The following CDH12 variants were observed in gnomAD, a reference collection of about 807,000 sequenced individuals.
CDH12 encodes the protein cadherin-12.
CDH12 carries 41 observed loss-of-function variants against 74.1 expected under a neutral mutation model. The observed-to-expected ratio is 0.55, with a 90% CI of 0.43 to 0.72. The LOEUF (loss-of-function observed/expected upper bound fraction) is 0.72. Ranked by LOEUF, CDH12 falls within the 30% of genes least tolerant of loss-of-function variation. CDH12 has a pLI of 0.00. For missense variants in CDH12, 945 were observed against 977.2 expected (o/e 0.97, Z 0.44); for synonymous variants, 399 against 355.0 (o/e 1.12, Z -1.39).
At chr5:22,249,360 G>A (rs1458047650) in intron 3 of CDH12, among the ~76,000 whole-genome samples, 2 of 152,164 alleles carry the variant, frequency 1.3e-5, no homozygotes, top group Admixed American at 1.3e-4. Flanking sequence ...ACTGTTATTG[G>A]AGACAGCTGC....
chr5:22,830,096 T>C (rs776094719), intron 1 of CDH12, among the ~76,000 whole-genome samples: 1 of 152,320 alleles, frequency 6.6e-6, no homozygotes, highest in South Asian at 2.1e-4. Context: ...AAAATGAATG[T>C]CTTCCTCAGG....
intron 6 of CDH12, among the ~76,000 whole-genome samples, chr5:21,961,086 T>C (rs907660521): frequency 1.3e-5 from 2 of 152,074 alleles, no homozygotes; most frequent in Non-Finnish European, 1.5e-5. Context: ...ATCTTCCAAA[T>C]CCTTACTAAT....
intron 3 of CDH12, among the ~76,000 whole-genome samples, chr5:22,276,713 G>A (rs1736650113): frequency 6.6e-6 from 1 of 152,124 alleles, no homozygotes; most frequent in African/African-American, 2.4e-5. Flanking sequence ...TTGAGATGGT[G>A]TCTCATTCTG....
At chr5:22,518,002 TC>T (rs993917948) in intron 1 of CDH12, among the ~76,000 whole-genome samples, 1 of 152,218 alleles carries the variant, frequency 6.6e-6, no homozygotes, top group Non-Finnish European at 1.5e-5. Context: ...TTTTCCTGGT[TC>T]TTCCTTACAG....
At chr5:21,852,501 T>A (rs1214045492) in intron 7 of CDH12, among the ~76,000 whole-genome samples, 1 of 151,430 alleles carries the variant, frequency 6.6e-6, no homozygotes, top group South Asian at 2.1e-4. Context: ...CATAAAGTTG[T>A]TTGGTATTCA....
chr5:22,162,925 C>T (rs1416727470), intron 4 of CDH12, among the ~76,000 whole-genome samples: 1 of 135,950 alleles, frequency 7.4e-6, no homozygotes, highest in Non-Finnish European at 1.5e-5. Flanking sequence ...GAGACAGAGT[C>T]TCGCTCTTTC....
intron 3 of CDH12, among the ~76,000 whole-genome samples, chr5:22,294,082 A>G (rs1014735043): frequency 2.6e-5 from 4 of 152,180 alleles, no homozygotes; most frequent in African/African-American, 9.7e-5. Context: ...ATTGTACATG[A>G]CAAATACATA....
At chr5:22,851,311 C>G (rs1169556231) in intron 1 of CDH12, among the ~76,000 whole-genome samples, 3 of 151,890 alleles carry the variant, frequency 2.0e-5, no homozygotes, top group African/African-American at 7.3e-5. Context: ...AATAAAAAAG[C>G]ATTCGTGGCT....
chr5:22,109,637 G>A (rs979657219), intron 4 of CDH12, among the ~76,000 whole-genome samples: 1 of 152,150 alleles, frequency 6.6e-6, no homozygotes, highest in Admixed American at 6.5e-5. Flanking sequence ...CAGTAATCAA[G>A]AGGAAAACAA....
chr5:22,811,253 G>A (rs1047367478), intron 1 of CDH12, among the ~76,000 whole-genome samples: 2 of 151,960 alleles, frequency 1.3e-5, no homozygotes, highest in Non-Finnish European at 2.9e-5. Flanking sequence ...AGGAAAGCGA[G>A]GGCAATAGTC....
At chr5:21,800,373 C>T (rs1747043622) in intron 10 of CDH12, among the ~76,000 whole-genome samples, 1 of 151,994 alleles carries the variant, frequency 6.6e-6, no homozygotes, top group Admixed American at 6.6e-5. Flanking sequence ...ATATGTATCC[C>T]CCCAAAATTC....
At chr5:22,736,953 G>C (rs1364401278) in intron 1 of CDH12, among the ~76,000 whole-genome samples, 10 of 151,910 alleles carry the variant, frequency 6.6e-5, no homozygotes, top group Non-Finnish European at 1.5e-4. Context: ...TTAATTCAGA[G>C]AGTATAATCA....
At chr5:22,198,269 G>A (rs922307397) in intron 4 of CDH12, among the ~76,000 whole-genome samples, 1 of 151,494 alleles carries the variant, frequency 6.6e-6, no homozygotes, top group Non-Finnish European at 1.5e-5. Flanking sequence ...TTGGCTAAAT[G>A]AATAATGCAA....
At chr5:22,225,156 C>G (rs1752152549) in intron 3 of CDH12, among the ~76,000 whole-genome samples, 1 of 152,068 alleles carries the variant, frequency 6.6e-6, no homozygotes, top group South Asian at 2.1e-4. Flanking sequence ...CACCCTCTGT[C>G]TGTGACATTC....
chr5:22,841,513 A>G (rs1737081310), intron 1 of CDH12, among the ~76,000 whole-genome samples: 1 of 152,152 alleles, frequency 6.6e-6, no homozygotes, highest in Non-Finnish European at 1.5e-5. Context: ...GGGAGAGCTG[A>G]GCTGGGAAAT....
intron 1 of CDH12, among the ~76,000 whole-genome samples, chr5:22,698,728 T>G (rs1308515856): frequency 0.34 from 5,194 of 15,086 alleles, 886 homozygotes; most frequent in Middle Eastern, 0.55. Context: ...TATATATATA[T>G]ATATATAGTG....
intron 6 of CDH12, among the ~76,000 whole-genome samples, chr5:21,862,121 T>C (rs1274388941): frequency 6.6e-6 from 1 of 152,066 alleles, no homozygotes; most frequent in Non-Finnish European, 1.5e-5. Flanking sequence ...CTATTATCCT[T>C]TAGTTGTGTT....
chr5:22,277,260 A>G (rs1736674739), intron 3 of CDH12, among the ~76,000 whole-genome samples: 1 of 152,178 alleles, frequency 6.6e-6, no homozygotes, highest in Admixed American at 6.5e-5. Flanking sequence ...TCTGCCACGA[A>G]TGCTCTCAAT....
intron 5 of CDH12, among the ~76,000 whole-genome samples, chr5:22,065,116 G>T (rs551156984): frequency 1.3e-5 from 2 of 152,264 alleles, no homozygotes; most frequent in Admixed American, 6.5e-5. Context: ...CTCGCCTGAT[G>T]CTGTTACCTT....
Sources: allele counts gnomAD v4.1 joint callset (sites outside exome capture counted in the v4.1 genomes callset), GRCh38; gene constraint gnomAD v4.1.1; transcripts MANE v1.5; gene names NCBI Gene and HGNC (gene_info 2026-07-23, HGNC 2026-07-21).